The following CFAP299 variants were observed in gnomAD, a reference collection of about 807,000 sequenced individuals.
CFAP299 encodes the protein cilia- and flagella-associated protein 299.
CFAP299 carries 21 observed loss-of-function variants against 27.0 expected under a neutral mutation model. The ratio of observed to expected loss-of-function variants is 0.78; its 90% confidence interval spans 0.55 to 1.12. The LOEUF is 1.12. Among genes scored for constraint, CFAP299 ranks in the 50% most tolerant of loss-of-function variants. The probability of loss-of-function intolerance (pLI) is 0.00; values close to 1 mark genes in which losing one functional copy is unlikely to be tolerated. For missense variants in CFAP299, 310 were observed against 276.6 expected, an observed-to-expected ratio of 1.12 and a Z score of -0.86; for synonymous variants, 104 against 98.1, an observed-to-expected ratio of 1.06 and a Z score of -0.36.
rs911725863 is a variant in CFAP299, at chr4:80,710,509, A to G, written c.333+127326A>G. 2.9e-3 allele frequency among the ~76,000 whole-genome samples: 441 copies of G among 149,764 alleles called. 11 individuals carry two copies. In the East Asian group the frequency reaches 0.04, roughly 14 times the overall value. On this transcript the variant is annotated intron_variant, in intron 3 of 5. Coordinates refer to ENST00000358105, the MANE Select transcript of CFAP299 (RefSeq NM_152770.3). ...TTTTTTTTTTTTTTTTTAAAAAAAAAAAGGTAAGTTGGAATATCAAGCATT... is the reference window on the plus strand; with the variant it reads ...TTTTTTTTTTTTTTTTTAAAAAAAAGAAGGTAAGTTGGAATATCAAGCATT...
chr4:80,452,064 G>T (rs542422520), intron 2 of CFAP299, among the ~76,000 whole-genome samples: 1 of 152,144 alleles, frequency 6.6e-6, no homozygotes, highest in Non-Finnish European at 1.5e-5. Context: ...TTTCCTGAAG[G>T]CTACAGTAGA....
chr4:80,351,839 A>C (rs1014520371), intron 1 of CFAP299, among the ~76,000 whole-genome samples: 10 of 150,404 alleles, frequency 6.6e-5, no homozygotes, highest in Non-Finnish European at 1.3e-4. Context: ...TTAACAATCT[A>C]TTAATGTTAA....
chr4:80,653,942 A>G (rs11946216), intron 3 of CFAP299, among the ~76,000 whole-genome samples: 11,532 of 152,122 alleles, frequency 0.076, 654 homozygotes, highest in East Asian at 0.23. Context: ...TACATCTTTA[A>G]TATGTGTTTA....
At chr4:80,568,348 C>T (rs1378996464) in intron 2 of CFAP299, among the ~76,000 whole-genome samples, 1 of 151,836 alleles carries the variant, frequency 6.6e-6, no homozygotes, top group Non-Finnish European at 1.5e-5. Context: ...TATCATGTTT[C>T]CTTTGTTATT....
At chr4:80,385,673 G>A (rs1354710168) in intron 2 of CFAP299, among the ~76,000 whole-genome samples, 1 of 152,224 alleles carries the variant, frequency 6.6e-6, no homozygotes, top group Non-Finnish European at 1.5e-5. Context: ...GTCCAGCCGT[G>A]ACAGTTGAGT....
intron 4 of CFAP299, among the ~76,000 whole-genome samples, chr4:80,875,068 C>T (rs1578204398): frequency 1.3e-5 from 2 of 152,184 alleles, no homozygotes; most frequent in South Asian, 4.2e-4. Flanking sequence ...AAAAATACAT[C>T]TGTGGTTCAC....
At chr4:80,483,109 G>A (rs1730646797) in intron 2 of CFAP299, among the ~76,000 whole-genome samples, 1 of 152,208 alleles carries the variant, frequency 6.6e-6, no homozygotes, top group Non-Finnish European at 1.5e-5. Context: ...TAATCACAAA[G>A]GTTCTTAAAG....
chr4:80,888,686 A>G (rs1734091672), intron 4 of CFAP299, among the ~76,000 whole-genome samples: 1 of 152,052 alleles, frequency 6.6e-6, no homozygotes, highest in Non-Finnish European at 1.5e-5. Context: ...TCCTCCTCTC[A>G]TGGATCATTC....
At chr4:80,367,499 C>T (rs1007479866) in intron 2 of CFAP299, among the ~76,000 whole-genome samples, 1 of 152,106 alleles carries the variant, frequency 6.6e-6, no homozygotes, top group Non-Finnish European at 1.5e-5. Flanking sequence ...TGTTCCTTCA[C>T]TAAGGCCCTT....
intron 3 of CFAP299, among the ~76,000 whole-genome samples, chr4:80,628,209 G>A (rs926605557): frequency 2.4e-4 from 36 of 152,000 alleles, no homozygotes; most frequent in African/African-American, 7.7e-4. Flanking sequence ...TTTTGACAGC[G>A]GTGTCAAGAG....
chr4:80,807,696 G>A (rs1203169581), intron 3 of CFAP299, among the ~76,000 whole-genome samples: 1 of 152,000 alleles, frequency 6.6e-6, no homozygotes, highest in Admixed American at 6.6e-5. Context: ...CTTTCACATT[G>A]AATAAATATA....
intron 2 of CFAP299, among the ~76,000 whole-genome samples, chr4:80,547,777 ATGTT>A (rs1734311698): frequency 6.6e-6 from 1 of 152,212 alleles, no homozygotes; most frequent in South Asian, 2.1e-4. Flanking sequence ...ACATGAAAAA[ATGTT>A]TGTCATCATT....
intron 2 of CFAP299, chr4:80,388,544 C>T: frequency 1.4e-6 from 2 of 1,454,934 alleles, no homozygotes; most frequent in Non-Finnish European, 1.9e-6. Context: ...TTGCTTCTTA[C>T]ACTTCCCACA....
intron 3 of CFAP299, among the ~76,000 whole-genome samples, chr4:80,683,234 A>G (rs1719957635): frequency 6.6e-6 from 1 of 152,180 alleles, no homozygotes; most frequent in Non-Finnish European, 1.5e-5. Flanking sequence ...AAGCTCTAAA[A>G]CATCTCAGAA....
At chr4:80,566,091 C>A (rs1735269649) in intron 2 of CFAP299, among the ~76,000 whole-genome samples, 1 of 151,938 alleles carries the variant, frequency 6.6e-6, no homozygotes, top group African/African-American at 2.4e-5. Flanking sequence ...TGACTTTGGC[C>A]CAAGAACTCC....
chr4:80,780,778 A>T (rs1726826746), intron 3 of CFAP299, among the ~76,000 whole-genome samples: 1 of 151,988 alleles, frequency 6.6e-6, no homozygotes, highest in Non-Finnish European at 1.5e-5. Flanking sequence ...ATCCTGTGAG[A>T]CATTATATAT....
chr4:80,724,003 A>G (rs545891372), intron 3 of CFAP299, among the ~76,000 whole-genome samples: 10 of 152,198 alleles, frequency 6.6e-5, no homozygotes, highest in African/African-American at 2.2e-4. Context: ...AAACATGAAA[A>G]TTGTACTTCA....
intron 3 of CFAP299, among the ~76,000 whole-genome samples, chr4:80,813,544 T>C (rs896415162): frequency 6.6e-6 from 1 of 151,980 alleles, no homozygotes; most frequent in African/African-American, 2.4e-5. Flanking sequence ...AAAGCAGGTA[T>C]CTTGTCCAAA....
intron 3 of CFAP299, among the ~76,000 whole-genome samples, chr4:80,718,142 G>A (rs1389840445): frequency 6.6e-6 from 1 of 152,064 alleles, no homozygotes; most frequent in Non-Finnish European, 1.5e-5. Context: ...GTTTTTCTGA[G>A]TAGGCTGTAC....
Sources: allele counts gnomAD v4.1 joint callset (sites outside exome capture counted in the v4.1 genomes callset), GRCh38; gene constraint gnomAD v4.1.1; transcripts MANE v1.5; gene names NCBI Gene and HGNC (gene_info 2026-07-23, HGNC 2026-07-21).